The following DPP10 variants were observed in gnomAD, a reference collection of about 807,000 sequenced individuals.
DPP10 encodes inactive dipeptidyl peptidase 10.
Under a neutral mutation model 120.9 loss-of-function variants are expected in DPP10, and 33 were observed. That is an observed-to-expected ratio of 0.27 (90% CI 0.21 to 0.37). The LOEUF (loss-of-function observed/expected upper bound fraction) is 0.37, where lower values mean the gene tolerates loss of function less well. DPP10 is among the 10% of genes least tolerant of loss of function. The pLI, the probability that DPP10 is intolerant of heterozygous loss-of-function variation, is 1.00. For missense variants in DPP10, 816 were observed against 942.8 expected (o/e 0.87, Z 1.76); for synonymous variants, 337 against 326.1 (o/e 1.03, Z -0.36).
chr2:115,532,105 C>T (rs1341740676), intron 5 of DPP10, among the ~76,000 whole-genome samples: 1 of 152,042 alleles, frequency 6.6e-6, no homozygotes, highest in Non-Finnish European at 1.5e-5. Context: ...CTCTATTTCC[C>T]ATCCATTACT....
At chr2:114,741,756 A>G (rs572519678) in intron 1 of DPP10, among the ~76,000 whole-genome samples, 19 of 152,300 alleles carry the variant, frequency 1.2e-4, no homozygotes, top group Middle Eastern at 6.8e-3. Flanking sequence ...TGATCACATG[A>G]AGATGGAGGC....
chr2:114,897,562 C>G (rs1450900667), intron 1 of DPP10, among the ~76,000 whole-genome samples: 1 of 151,954 alleles, frequency 6.6e-6, no homozygotes, highest in African/African-American at 2.4e-5. Context: ...GAACAGGCAA[C>G]CTACAAAATG....
intron 1 of DPP10, among the ~76,000 whole-genome samples, chr2:115,172,780 G>C: frequency 6.6e-6 from 1 of 152,196 alleles, no homozygotes; most frequent in East Asian, 1.9e-4. Context: ...TGTTATACCG[G>C]ACATAGACAG....
intron 3 of DPP10, among the ~76,000 whole-genome samples, chr2:115,489,266 G>C (rs998966768): frequency 9.9e-5 from 15 of 151,546 alleles, no homozygotes; most frequent in Admixed American, 9.2e-4. Flanking sequence ...TAGAAAGCCA[G>C]ATTAGCCCAA....
chr2:114,899,684 G>A (rs1433901780), intron 1 of DPP10, among the ~76,000 whole-genome samples: 1 of 152,226 alleles, frequency 6.6e-6, no homozygotes, highest in East Asian at 1.9e-4. Context: ...AGGGCCAGGC[G>A]CGGTGGCTCA....
At chr2:115,138,256 C>T (rs762223687) in intron 1 of DPP10, among the ~76,000 whole-genome samples, 3 of 152,024 alleles carry the variant, frequency 2.0e-5, no homozygotes, top group Non-Finnish European at 2.9e-5. Flanking sequence ...TGGAAAATGG[C>T]ATCTGGTTAA....
rs1695488250 is a variant in DPP10 at position 114,638,793 on chromosome 2, T to G, written c.60+195955T>G. Among the ~76,000 whole-genome samples, 7 of 151,840 alleles carry G rather than the reference T, an allele frequency of 4.6e-5. No individual in the cohort carries two copies. In the South Asian group the frequency reaches 1.2e-3, roughly 27 times the overall value. On this transcript the variant is annotated intron_variant, in intron 1 of 25. Coordinates refer to ENST00000410059, the MANE Select transcript of DPP10 (RefSeq NM_020868.6). ...CAGAAATCCAATTACTGTGTATATA[T>G]CCAAAATAACATAAATTTTTGTACC...
At chr2:115,301,778 C>A (rs906127622) in intron 1 of DPP10, among the ~76,000 whole-genome samples, 4 of 151,794 alleles carry the variant, frequency 2.6e-5, no homozygotes, top group African/African-American at 9.7e-5. Flanking sequence ...AGTTTTTAAC[C>A]CTAAATGTGT....
chr2:115,768,869 A>G (rs1681112439), intron 13 of DPP10, among the ~76,000 whole-genome samples: 1 of 152,088 alleles, frequency 6.6e-6, no homozygotes, highest in Non-Finnish European at 1.5e-5. Context: ...AATACAGTGC[A>G]GATTTTTAAA....
At chr2:114,730,841 T>C (rs1314848237) in intron 1 of DPP10, among the ~76,000 whole-genome samples, 5 of 152,080 alleles carry the variant, frequency 3.3e-5, no homozygotes, top group Admixed American at 3.3e-4. Flanking sequence ...CCAACTGCCT[T>C]GGCCTCACAA....
At chr2:114,755,281 A>G (rs927014731) in intron 1 of DPP10, among the ~76,000 whole-genome samples, 1 of 152,064 alleles carries the variant, frequency 6.6e-6, no homozygotes, top group Non-Finnish European at 1.5e-5. Flanking sequence ...AAGTGGTTAC[A>G]CTGTTTGTTT....
rs567811339 is a variant in DPP10 at position 114,843,316 on chromosome 2, C to T, written c.60+400478C>T. ...TATTACTCATGTTTCTACCAGTGGT[C>T]CCCTGAAGAAATAAATATGCAGCCT... On this transcript the variant is annotated intron_variant, in intron 1 of 25. Transcript: ENST00000410059. Among the ~76,000 whole-genome samples, 6 of 152,222 alleles carry T rather than the reference C, an allele frequency of 3.9e-5. No individual in the cohort carries two copies. In the East Asian group the frequency reaches 5.8e-4, roughly 15 times the overall value.
intron 1 of DPP10, among the ~76,000 whole-genome samples, chr2:115,252,868 A>G (rs1409375972): frequency 1.3e-5 from 2 of 152,234 alleles, no homozygotes; most frequent in African/African-American, 2.4e-5. Context: ...GGAGTTTGCC[A>G]AAGGCAAAGT....
intron 2 of DPP10, among the ~76,000 whole-genome samples, chr2:115,310,517 T>C (rs2061534229): frequency 1.3e-5 from 2 of 151,684 alleles, no homozygotes; most frequent in Admixed American, 6.6e-5. Flanking sequence ...TGTGGAGAGG[T>C]TGAGAAAGAA....
At chr2:115,352,546 C>T (rs962490579) in intron 3 of DPP10, among the ~76,000 whole-genome samples, 1 of 152,110 alleles carries the variant, frequency 6.6e-6, no homozygotes, top group Admixed American at 6.6e-5. Flanking sequence ...TCTATATATC[C>T]ATCTATCCTT....
chr2:114,454,881 A>C (rs1414119764), intron 1 of DPP10, among the ~76,000 whole-genome samples: 4 of 152,156 alleles, frequency 2.6e-5, no homozygotes, highest in Admixed American at 2.0e-4. Flanking sequence ...AGCTCCTGGA[A>C]GCCAAGGCAG....
intron 3 of DPP10, among the ~76,000 whole-genome samples, chr2:115,405,631 A>G (rs1392895860): frequency 1.3e-5 from 2 of 152,100 alleles, no homozygotes; most frequent in African/African-American, 4.8e-5. Context: ...AAACTTTGAA[A>G]TCTAGTTGGA....
At chr2:115,692,820 TC>T (rs2091389518) in intron 7 of DPP10, among the ~76,000 whole-genome samples, 1 of 152,160 alleles carries the variant, frequency 6.6e-6, no homozygotes, top group African/African-American at 2.4e-5. Flanking sequence ...ATGATTTATA[TC>T]CTATTTTATA....
At chr2:115,412,474 G>C (rs2069028453) in intron 3 of DPP10, among the ~76,000 whole-genome samples, 2 of 152,142 alleles carry the variant, frequency 1.3e-5, no homozygotes, top group Non-Finnish European at 2.9e-5. Flanking sequence ...GTAAATACAG[G>C]TGTCTACTCG....
Sources: allele counts gnomAD v4.1 joint callset (sites outside exome capture counted in the v4.1 genomes callset), GRCh38; gene constraint gnomAD v4.1.1; transcripts MANE v1.5; gene names NCBI Gene and HGNC (gene_info 2026-07-23, HGNC 2026-07-21).